Variants in DDB1 observed in about 807,000 individuals in gnomAD.
DDB1 encodes damage specific DNA binding protein 1.
Under a neutral mutation model 133.1 loss-of-function variants are expected in DDB1, and 18 were observed. The observed-to-expected ratio is 0.14, with a 90% CI of 0.09 to 0.20. DDB1 has a LOEUF of 0.20. Among genes scored for constraint, DDB1 ranks in the 10% least tolerant of loss-of-function variants. The probability of loss-of-function intolerance (pLI) is 1.00; values close to 1 mark genes in which losing one functional copy is unlikely to be tolerated. For missense variants in DDB1, 828 were observed against 1,459.2 expected (o/e 0.57, Z 7.05); for synonymous variants, 580 against 550.5 (o/e 1.05, Z -0.75).
intron 21 of DDB1, 139 bp from the exon 22 acceptor site, chr11:61,304,174 G>C (rs1451899668): frequency 1.3e-6 from 1 of 754,324 alleles, no homozygotes; most frequent in East Asian, 2.6e-5. Context: ...TGAGGCACTG[G>C]GGTGAACATT....
At chr11:61,305,167 A>T (rs1855864689) in intron 21 of DDB1, among the ~76,000 whole-genome samples, 1 of 152,210 alleles carries the variant, frequency 6.6e-6, no homozygotes, top group African/African-American at 2.4e-5. Context: ...AGATTTGTCC[A>T]AAGAACCCTA....
chr11:61,320,248 T>C (rs1297816347), intron 10 of DDB1, among the ~76,000 whole-genome samples: 1 of 151,954 alleles, frequency 6.6e-6, no homozygotes, highest in Non-Finnish European at 1.5e-5. Context: ...TGGCCCAGGC[T>C]GTAGTGCAGT....
At chr11:61,317,696 C>G (rs182496593) in intron 10 of DDB1, among the ~76,000 whole-genome samples, 1 of 152,042 alleles carries the variant, frequency 6.6e-6, no homozygotes, top group Non-Finnish European at 1.5e-5. Flanking sequence ...TTAGTAGAGA[C>G]AGGATTTCAC....
At chr11:61,305,251 G>T (rs936375714) in intron 21 of DDB1, among the ~76,000 whole-genome samples, 6 of 152,234 alleles carry the variant, frequency 3.9e-5, no homozygotes, top group Admixed American at 3.9e-4. Context: ...GCTTACGCCT[G>T]TAATCCCAGC....
At chr11:61,331,790 C>A in intron 1 of DDB1, 99 bp from the exon 2 acceptor site, 2 of 1,508,394 alleles carry the variant, frequency 1.3e-6, no homozygotes, top group East Asian at 4.5e-5. Flanking sequence ...CCAGAATTCT[C>A]ATTTACTTCA....
At chr11:61,306,291 C>G (rs1408765237) in intron 21 of DDB1, among the ~76,000 whole-genome samples, 2 of 152,188 alleles carry the variant, frequency 1.3e-5, no homozygotes, top group Non-Finnish European at 2.9e-5. Context: ...CTTAACTTGT[C>G]TGTTTTCTCT....
At chr11:61,325,586 G>A (rs1856256290) in intron 6 of DDB1, 25 bp downstream of exon 6, 1 of 1,594,780 alleles carries the variant, frequency 6.3e-7, no homozygotes, top group African/African-American at 1.3e-5. Flanking sequence ...AAGATGAAAG[G>A]AAAAAAAGGT....
chr11:61,300,780 G>T lies in DDB1; in HGVS notation c.3339+29C>A. The T allele has an allele frequency of 1.9e-6, 3 of 1,613,580 alleles. No homozygotes were observed. In the East Asian group the frequency reaches 6.7e-5, roughly 36 times the overall value. ...GCCCCAACCTGCAGTGGACTTGTCTGGCCCAGGGTTAAACACCACACAGCT... is the reference window on the plus strand; with the variant it reads ...GCCCCAACCTGCAGTGGACTTGTCTTGCCCAGGGTTAAACACCACACAGCT... On this transcript the variant is annotated intron_variant, in intron 26 of 26. Transcript: ENST00000301764.
At position 61,333,048 on chromosome 11, in the gene DDB1, A is replaced by C; in HGVS notation, c.-80T>G. On this transcript the variant is annotated 5_prime_UTR_variant, in exon 1 of 27. Coordinates refer to ENST00000301764, the MANE Select transcript of DDB1 (RefSeq NM_001923.5). Reference sequence around the variant, plus strand: ...ACAAGCGAAAAGACAGGTGGCCCCCAACAGCGCGCAGCGAACTCCACTGCC... The same window carrying C: ...ACAAGCGAAAAGACAGGTGGCCCCCCACAGCGCGCAGCGAACTCCACTGCC... 1.5e-6 allele frequency: 2 copies of C among 1,328,942 alleles called. No individual in the cohort carries two copies. The highest frequency in any genetic ancestry group is 2.0e-6 in the Non-Finnish European group (2 of 996,078). 82.3% of individuals were successfully genotyped at this position (1,328,942 alleles called of 1,614,324 possible).
In DDB1 at chr11:61,314,469, C is replaced by CTCAAG; in HGVS notation, c.1427_1428insCTTGA (p.Arg477LeufsTer38). On this transcript the variant is annotated frameshift_variant, in exon 13 of 27. Coordinates refer to ENST00000301764, the MANE Select transcript of DDB1 (RefSeq NM_001923.5). LOFTEE classifies it high-confidence loss of function. ...CTTTGGGTTCTTGAGAGACCAACCT[C>CTCAAG]ACCGATGCTGAAGTGATCTAGATAA... 6.2e-7 allele frequency: 1 copy of CTCAAG among 1,612,866 alleles called. No individual in the cohort carries two copies. Among genetic ancestry groups the CTCAAG allele is most frequent in the Non-Finnish European group, 8.5e-7 (1 of 1,179,540 alleles).
At chr11:61,317,116 G>C (rs1856100192) in intron 10 of DDB1, among the ~76,000 whole-genome samples, 1 of 151,272 alleles carries the variant, frequency 6.6e-6, no homozygotes, top group Admixed American at 6.6e-5. Flanking sequence ...TGTTTTGTTT[G>C]TTTGCTTGTT....
Position 61,303,159 on chromosome 11 carries a change from A to C in DDB1, c.2833-4T>G. On this transcript the variant is annotated splice_polypyrimidine_tract_variant and splice_region_variant and intron_variant, in intron 22 of 26. Transcript: ENST00000301764. Reference sequence around the variant, plus strand: ...TGGGATTAAAGTCTCGAGCAATCTTAAAACAGACAAGGTGAAAGAAGAAAG... The same window carrying C: ...TGGGATTAAAGTCTCGAGCAATCTTCAAACAGACAAGGTGAAAGAAGAAAG... 1.2e-6 allele frequency: 2 copies of C among 1,613,150 alleles called. No individual in the cohort carries two copies. The highest frequency in any genetic ancestry group is 1.7e-6 in the Non-Finnish European group (2 of 1,179,074).
rs1022168505 is a variant in DDB1, at chr11:61,320,547, A to G, written c.1225+1048T>C. On this transcript the variant is annotated intron_variant, in intron 10 of 26. Transcript: ENST00000301764. ...CCTTTTCCCATACTTTTTTTTTCATATTCTGAATTACTCCTTTTTTTAAAT... is the reference window on the plus strand; with the variant it reads ...CCTTTTCCCATACTTTTTTTTTCATGTTCTGAATTACTCCTTTTTTTAAAT... Among the ~76,000 whole-genome samples the G allele has an allele frequency of 9.3e-5, 14 of 149,810 alleles. 1 individual carries two copies. Among genetic ancestry groups the G allele is most frequent in the Non-Finnish European group, 1.5e-4 (10 of 67,444 alleles).
At chr11:61,316,947 A>G (rs1303542731) in intron 10 of DDB1, among the ~76,000 whole-genome samples, 7 of 3,528 alleles carry the variant, frequency 2.0e-3, no homozygotes, top group African/African-American at 0.013. Flanking sequence ...AAAAGGATAG[A>G]TATATATATA....
At chr11:61,303,209 C>A in intron 22 of DDB1, 54 bp from the exon 23 acceptor site, 1 of 1,530,666 alleles carries the variant, frequency 6.5e-7, no homozygotes, top group Non-Finnish European at 9.0e-7. Flanking sequence ...TGCACGGAAT[C>A]CAGTTCTGGG....
rs146926940 is a variant in DDB1 at position 61,302,268 on chromosome 11, G to C, written c.3204C>G (p.Ile1068Met). The change falls in exon 25 of 27, where the codon ATC becomes ATG. Residue 1068 changes from isoleucine to methionine, a missense_variant. By Grantham distance (10) the Ile-to-Met change is conservative. Coordinates refer to ENST00000301764, the MANE Select transcript of DDB1 (RefSeq NM_001923.5). ...TCTGGGAAGGATATAAGGAGTGCTC[G>C]ATCTTCCCCACACTTTTGATGACTT... ...LNKVIKSVGK[I>M]EHSFWRSFHT... 9.3e-6 allele frequency: 15 copies of C among 1,614,056 alleles called. No homozygotes were observed. The highest frequency in any genetic ancestry group is 2.2e-5 in the East Asian group (1 of 44,884).
intron 21 of DDB1, among the ~76,000 whole-genome samples, chr11:61,306,183 AAC>A (rs1156744172): frequency 6.6e-6 from 1 of 152,160 alleles, no homozygotes; most frequent in African/African-American, 2.4e-5. Flanking sequence ...CACCCTCTGG[AAC>A]ACAGTCATTA....
chr11:61,313,983 G>A lies in DDB1; in HGVS notation c.1754-14C>T. The A allele has an allele frequency of 6.2e-7, 1 of 1,614,074 alleles. No individual in the cohort carries two copies. The highest frequency in any genetic ancestry group is 8.5e-7 in the Non-Finnish European group (1 of 1,180,010). On this transcript the variant is annotated splice_polypyrimidine_tract_variant and intron_variant, in intron 14 of 26. Transcript: ENST00000301764. Reference sequence around the variant, plus strand: ...GAGGAATGATCTCTGTGAGAAAGGGGGACATTATGTTCTTGTTCCACATTT... The same window carrying A: ...GAGGAATGATCTCTGTGAGAAAGGGAGACATTATGTTCTTGTTCCACATTT...
At chr11:61,326,585 A>G (rs1030816975) in intron 5 of DDB1, among the ~76,000 whole-genome samples, 194 bp downstream of exon 5, 3 of 152,226 alleles carry the variant, frequency 2.0e-5, no homozygotes, top group East Asian at 3.8e-4. Flanking sequence ...GGGAGAAGTG[A>G]AAAACAGAAA....
Sources: gnomAD v4.1 joint callset for allele counts (sites outside exome capture counted in the v4.1 genomes callset) on GRCh38, gnomAD v4.1.1 for gene constraint, MANE v1.5 for transcripts, NCBI Gene and HGNC (gene_info 2026-07-23, HGNC 2026-07-21) for gene names.